The following ATP6V1E2 variants were observed in gnomAD, a reference collection of about 807,000 sequenced individuals.
The protein encoded by ATP6V1E2 is ATPase H+ transporting V1 subunit E2, also known as V-type proton ATPase subunit E 2.
For missense variants in ATP6V1E2, 308 were observed against 273.3 expected, an observed-to-expected ratio of 1.13 and a Z score of -0.90; for synonymous variants, 121 against 104.2, an observed-to-expected ratio of 1.16 and a Z score of -0.98.
rs972052017 is a variant in ATP6V1E2 at position 46,512,580 on chromosome 2, G to T, written c.132C>A (p.Arg44=). ...AEEEFNIEKG[R]LVQTQRLKIM... is the part of the protein sequence containing the mutation. Reference sequence around the variant, plus strand: ...TCTTCAGTCGTTGGGTTTGCACGAGGCGTCCTTTCTCAATGTTAAACTCTT... The same window carrying T: ...TCTTCAGTCGTTGGGTTTGCACGAGTCGTCCTTTCTCAATGTTAAACTCTT... The change falls in exon 5 of 5, where the codon CGC becomes CGA. Residue 44 remains arginine, a synonymous_variant. Coordinates refer to ENST00000522587, the MANE Select transcript of ATP6V1E2 (RefSeq NM_001318063.2). The T allele has an allele frequency of 1.2e-6, 2 of 1,614,016 alleles. No homozygotes were observed. Among genetic ancestry groups the T allele is most frequent in the Non-Finnish European group, 1.7e-6 (2 of 1,180,032 alleles).
intron 2 of ATP6V1E2, among the ~76,000 whole-genome samples, chr2:46,538,884 G>T (rs1667579687): frequency 6.6e-6 from 1 of 152,104 alleles, no homozygotes; most frequent in Admixed American, 6.5e-5. Context: ...TGAGAGAATT[G>T]CTTGAGCCTG....
intron 4 of ATP6V1E2, among the ~76,000 whole-genome samples, chr2:46,523,517 G>A (rs893052063): frequency 6.6e-6 from 1 of 152,112 alleles, no homozygotes; most frequent in East Asian, 1.9e-4. Context: ...GCTTGTTTTT[G>A]TCAGGTTTTT....
intron 4 of ATP6V1E2, among the ~76,000 whole-genome samples, chr2:46,524,412 T>C (rs1293745189): frequency 6.6e-6 from 1 of 152,190 alleles, no homozygotes; most frequent in African/African-American, 2.4e-5. Flanking sequence ...TGGAGGCAAG[T>C]CACCTGGAAA....
rs1174306223 is a variant in ATP6V1E2 at position 46,530,891 on chromosome 2, C to G, written c.-102+4922G>C. Reference sequence around the variant, plus strand: ...AAGAACAGCACAGGAAAAACCCAAGCCCATGATTCAGTTACTTCCCACCGG... The same window carrying G: ...AAGAACAGCACAGGAAAAACCCAAGGCCATGATTCAGTTACTTCCCACCGG... On this transcript the variant is annotated intron_variant, in intron 4 of 4. Transcript: ENST00000522587. The surrounding 1 kb of genome is among the most constrained non-coding windows in gnomAD (Gnocchi z 5.2). Among the ~76,000 whole-genome samples, 1 of 152,168 alleles carries G rather than the reference C, an allele frequency of 6.6e-6. No individual in the cohort carries two copies. The highest frequency in any genetic ancestry group is 1.5e-5 in the Non-Finnish European group (1 of 68,036).
chr2:46,532,411 GTATT>G (rs1418398040), intron 4 of ATP6V1E2, among the ~76,000 whole-genome samples: 3 of 149,816 alleles, frequency 2.0e-5, no homozygotes, highest in Non-Finnish European at 4.4e-5. Context: ...ATTTATGTAT[GTATT>G]TATTTATTTA....
At position 46,535,135 on chromosome 2, in the gene ATP6V1E2, G is replaced by GT. The variant is rs1298614535; in HGVS notation, c.-102+677dup. 6.6e-6 allele frequency: 1 copy of GT among 152,178 alleles called. No individual in the cohort carries two copies. The highest frequency in any genetic ancestry group is 1.5e-5 in the Non-Finnish European group (1 of 68,038). The allele number at this position is 152,178 out of a possible 1,614,324, so 9.4% of individuals were successfully genotyped here. On this transcript the variant is annotated intron_variant, in intron 4 of 4. Transcript: ENST00000522587. The surrounding 1 kb of genome is among the most constrained non-coding windows in gnomAD (Gnocchi z 4.4). The stretch of plus-strand genomic sequence containing the variant: ...TTCAGCAGAAAGTTAGAGTGATAGG[G>GT]TTTGCCCCATTTGTTCCCTACTTTC...
intron 4 of ATP6V1E2, among the ~76,000 whole-genome samples, chr2:46,531,323 T>G (rs1378464166): frequency 6.6e-6 from 1 of 152,186 alleles, no homozygotes; most frequent in African/African-American, 2.4e-5. Flanking sequence ...TAGCATAACG[T>G]TTTTGAGATT....
At chr2:46,540,447 AAAAG>A (rs1553417187) in intron 2 of ATP6V1E2, among the ~76,000 whole-genome samples, 2 of 150,472 alleles carry the variant, frequency 1.3e-5, no homozygotes, top group South Asian at 2.1e-4. Context: ...AAAAAAAAAA[AAAAG>A]AAAGAAAAAG....
chr2:46,540,436 C>CAAAAAA (rs35794315), intron 2 of ATP6V1E2, among the ~76,000 whole-genome samples: 1 of 124,838 alleles, frequency 8.0e-6, no homozygotes, highest in African/African-American at 3.1e-5. Flanking sequence ...GACCCTATCT[C>CAAAAAA]AAAAAAAAAA....
At chr2:46,521,498 C>T (rs964470655) in intron 4 of ATP6V1E2, among the ~76,000 whole-genome samples, 4 of 152,182 alleles carry the variant, frequency 2.6e-5, no homozygotes, top group South Asian at 4.2e-4. Context: ...CAGGACCAAA[C>T]GTGGGCCTCC....
chr2:46,514,982 T>C (rs1344362378), intron 4 of ATP6V1E2, among the ~76,000 whole-genome samples: 2 of 151,992 alleles, frequency 1.3e-5, no homozygotes, highest in Non-Finnish European at 2.9e-5. Context: ...AGATGATATA[T>C]TCAAAGGGCT....
rs1247434586 is a variant in ATP6V1E2, at chr2:46,530,497, AC to A, written c.-102+5315del. The stretch of plus-strand genomic sequence containing the variant: ...TCATTATTACCCGCTTTCCCTGGCC[AC>A]CTGCCCTGCACTCTCCTCAAGTGTT... On this transcript the variant is annotated intron_variant, in intron 4 of 4. Coordinates refer to ENST00000522587, the MANE Select transcript of ATP6V1E2 (RefSeq NM_001318063.2). This position sits in a 1 kb window ranked among gnomAD's most constrained non-coding sequence, Gnocchi z 5.2. Among the ~76,000 whole-genome samples, 1 of 152,182 alleles carries A rather than the reference AC, an allele frequency of 6.6e-6. No individual in the cohort carries two copies. Among genetic ancestry groups the A allele is most frequent in the East Asian group, 1.9e-4 (1 of 5,202 alleles).
At chr2:46,516,712 G>C (rs1687724822) in intron 4 of ATP6V1E2, among the ~76,000 whole-genome samples, 1 of 149,168 alleles carries the variant, frequency 6.7e-6, no homozygotes, top group Admixed American at 6.8e-5. Context: ...AATTCTAAGA[G>C]GAAAATTTAT....
At chr2:46,529,393 G>C (rs1667073485) in intron 4 of ATP6V1E2, among the ~76,000 whole-genome samples, 1 of 152,210 alleles carries the variant, frequency 6.6e-6, no homozygotes, top group South Asian at 2.1e-4. Context: ...CTTGGGAAGA[G>C]GACTATTTCT....
chr2:46,521,358 A>C (rs1666614666), intron 4 of ATP6V1E2, among the ~76,000 whole-genome samples: 1 of 152,142 alleles, frequency 6.6e-6, no homozygotes. Context: ...GGTGGGCAAA[A>C]TATGTCTGTC....
intron 4 of ATP6V1E2, among the ~76,000 whole-genome samples, chr2:46,529,533 T>C (rs890074815): frequency 6.6e-6 from 1 of 152,160 alleles, no homozygotes; most frequent in Admixed American, 6.5e-5. Flanking sequence ...GGCAGGAGGA[T>C]TGCTTGAGGC....
intron 4 of ATP6V1E2, among the ~76,000 whole-genome samples, chr2:46,533,422 G>A (rs973189422): frequency 6.6e-6 from 1 of 151,918 alleles, no homozygotes; most frequent in South Asian, 2.1e-4. Flanking sequence ...ATAGGAGTGT[G>A]CCACCACACC....
intron 4 of ATP6V1E2, among the ~76,000 whole-genome samples, chr2:46,514,539 C>T (rs1036543264): frequency 1.3e-5 from 2 of 152,036 alleles, no homozygotes; most frequent in African/African-American, 2.4e-5. Flanking sequence ...AAAAAATTCA[C>T]TAGAGGAGTT....
intron 4 of ATP6V1E2, among the ~76,000 whole-genome samples, chr2:46,529,662 G>A (rs1331578601): frequency 1.3e-5 from 2 of 152,176 alleles, no homozygotes; most frequent in African/African-American, 4.8e-5. Flanking sequence ...AAGCTGAGGC[G>A]GGAGGATCAC....
Sources: allele counts gnomAD v4.1 joint callset (sites outside exome capture counted in the v4.1 genomes callset), GRCh38; gene constraint gnomAD v4.1.1; non-coding constraint Gnocchi (gnomAD v3.1); transcripts MANE v1.5; gene names NCBI Gene and HGNC (gene_info 2026-07-23, HGNC 2026-07-21).